The following CNTN5 variants were observed in gnomAD, a reference collection of about 807,000 sequenced individuals.
CNTN5 encodes the protein contactin-5.
In CNTN5, 77 loss-of-function variants were observed where a neutral mutation model predicts 129.1. The ratio of observed to expected loss-of-function variants is 0.60; its 90% CI spans 0.50 to 0.72. The LOEUF is 0.72. Ranked by LOEUF, CNTN5 falls within the 30% of genes least tolerant of loss-of-function variation. CNTN5 has a pLI of 0.00. For missense variants in CNTN5, 1,478 were observed against 1,328.8 expected (o/e 1.11, Z -1.75); for synonymous variants, 509 against 465.6 (o/e 1.09, Z -1.20).
intron 9 of CNTN5, among the ~76,000 whole-genome samples, chr11:100,010,510 C>T (rs901204251): frequency 2.0e-5 from 3 of 151,970 alleles, no homozygotes; most frequent in South Asian, 4.1e-4. Flanking sequence ...CAGGGGCTAT[C>T]GAGCTGACAG....
chr11:99,674,099 C>T (rs917710162), intron 3 of CNTN5, among the ~76,000 whole-genome samples: 2 of 152,146 alleles, frequency 1.3e-5, no homozygotes, highest in African/African-American at 4.8e-5. Context: ...TCCTTTTTCT[C>T]CACAACTTTG....
intron 4 of CNTN5, among the ~76,000 whole-genome samples, chr11:99,826,361 A>G (rs756935705): frequency 1.3e-5 from 2 of 152,204 alleles, no homozygotes; most frequent in African/African-American, 2.4e-5. Context: ...TCAAGAAGCT[A>G]TATCTGCCTT....
chr11:99,073,949 A>G (rs1865453319), intron 1 of CNTN5, among the ~76,000 whole-genome samples: 2 of 152,146 alleles, frequency 1.3e-5, no homozygotes, highest in Non-Finnish European at 2.9e-5. Flanking sequence ...AGGAATCACC[A>G]CACTGTCTTC....
At chr11:100,181,246 C>T (rs1042493411) in intron 13 of CNTN5, among the ~76,000 whole-genome samples, 5 of 151,964 alleles carry the variant, frequency 3.3e-5, no homozygotes, top group Admixed American at 1.3e-4. Context: ...ACTACTGATA[C>T]ATGCAACAAT....
At chr11:99,745,404 T>C (rs1473142945) in intron 3 of CNTN5, among the ~76,000 whole-genome samples, 2 of 152,216 alleles carry the variant, frequency 1.3e-5, no homozygotes, top group African/African-American at 2.4e-5. Flanking sequence ...TATCTACAGA[T>C]ACTCTTACTA....
At chr11:100,047,071 C>A (rs572006214) in intron 9 of CNTN5, among the ~76,000 whole-genome samples, 2 of 152,218 alleles carry the variant, frequency 1.3e-5, no homozygotes, top group African/African-American at 2.4e-5. Context: ...TTCCAGACAT[C>A]TGCATTAGGA....
rs113085557 is a variant in CNTN5, at chr11:99,296,203, G to T, written c.-209-29143G>T. 6.8e-3 allele frequency among the ~76,000 whole-genome samples: 1,034 copies of T among 152,142 alleles called. 8 individuals are homozygous for T. The highest frequency in any genetic ancestry group is 0.024 in the African/African-American group (979 of 41,488). On this transcript the variant is annotated intron_variant, in intron 1 of 24. Transcript: ENST00000524871. ...CATCAAGGATGTCATCTTTTTCTGG[G>T]GAGAAGCTTTCCTGGTTAGTTTTAC...
At chr11:99,720,354 C>T (rs997807481) in intron 3 of CNTN5, among the ~76,000 whole-genome samples, 7 of 152,240 alleles carry the variant, frequency 4.6e-5, no homozygotes, top group South Asian at 2.1e-4. Context: ...GTTGGCTCAA[C>T]ATATTTAAAT....
intron 1 of CNTN5, among the ~76,000 whole-genome samples, chr11:99,281,975 C>G (rs1863718612): frequency 6.6e-6 from 1 of 151,840 alleles, no homozygotes; most frequent in Non-Finnish European, 1.5e-5. Context: ...TTTTATCAAG[C>G]TATAAGTAGT....
intron 9 of CNTN5, among the ~76,000 whole-genome samples, chr11:100,015,698 A>C (rs1940784664): frequency 6.6e-6 from 1 of 152,082 alleles, no homozygotes; most frequent in East Asian, 1.9e-4. Context: ...CAAGACACTT[A>C]ATTTTAAAAA....
chr11:99,245,386 T>C (rs548374977), intron 1 of CNTN5, among the ~76,000 whole-genome samples: 3 of 152,334 alleles, frequency 2.0e-5, no homozygotes, highest in East Asian at 3.9e-4. Flanking sequence ...TGGCACCATC[T>C]TGGCTCACTG....
chr11:99,771,320 C>G (rs1944937766), intron 3 of CNTN5, among the ~76,000 whole-genome samples: 1 of 151,884 alleles, frequency 6.6e-6, no homozygotes, highest in African/African-American at 2.4e-5. Context: ...CCGAAATAAC[C>G]TAAATGCCCA....
rs189563133 is a variant in CNTN5, at chr11:100,204,914, A to G, written c.1884+11251A>G. 3.9e-5 allele frequency among the ~76,000 whole-genome samples: 6 copies of G among 152,120 alleles called. No individual in the cohort carries two copies. In the East Asian group the frequency reaches 1.2e-3, roughly 29 times the overall value. ...ATAATTTAACCTGGAGAATGATGAA[A>G]TGCGTAATATAATAAGGCCCTGAAT... On this transcript the variant is annotated intron_variant, in intron 15 of 24. Coordinates refer to ENST00000524871, the MANE Select transcript of CNTN5 (RefSeq NM_014361.4).
chr11:99,545,491 AAG>A (rs1265695549), intron 2 of CNTN5, among the ~76,000 whole-genome samples: 1 of 152,232 alleles, frequency 6.6e-6, no homozygotes, highest in Non-Finnish European at 1.5e-5. Flanking sequence ...ATTAAATTAA[AAG>A]AGAATTTAAA....
intron 1 of CNTN5, among the ~76,000 whole-genome samples, chr11:99,296,122 A>G (rs1864379174): frequency 3.3e-5 from 5 of 152,162 alleles, no homozygotes; most frequent in Admixed American, 3.3e-4. Flanking sequence ...ATATTCAAAG[A>G]TAAGAGTCTC....
rs1325716819 is a variant in CNTN5 at position 99,496,933 on chromosome 11, T to A, written c.-70-59212T>A. On this transcript the variant is annotated intron_variant, in intron 2 of 24. Transcript: ENST00000524871. ...AGCAAAACATACTGGTTAAATAAAT[T>A]AGGCTTTTAATATCGTCGGCCAGAA... is the stretch of plus-strand genomic sequence containing the variant. Among the ~76,000 whole-genome samples, 3 of 152,190 alleles carry A rather than the reference T, an allele frequency of 2.0e-5. No homozygotes were observed. In the East Asian group the frequency reaches 5.8e-4, roughly 29 times the overall value.
intron 6 of CNTN5, among the ~76,000 whole-genome samples, chr11:99,881,645 A>C (rs770089066): frequency 8.5e-5 from 13 of 152,124 alleles, no homozygotes; most frequent in Non-Finnish European, 1.5e-4. Context: ...TATTTTTAAA[A>C]TAAAATAAAG....
chr11:99,431,145 A>C (rs187660384), intron 2 of CNTN5, among the ~76,000 whole-genome samples: 41 of 152,250 alleles, frequency 2.7e-4, no homozygotes, highest in African/African-American at 9.9e-4. Context: ...AGAAAGACTG[A>C]AACAGCAACA....
intron 3 of CNTN5, among the ~76,000 whole-genome samples, chr11:99,691,834 T>C (rs550503096): frequency 2.6e-5 from 4 of 152,264 alleles, no homozygotes; most frequent in Admixed American, 2.0e-4. Context: ...CTGTCTGATA[T>C]TGGCAGTGGT....
Sources: gnomAD v4.1 joint callset for allele counts (sites outside exome capture counted in the v4.1 genomes callset) on GRCh38, gnomAD v4.1.1 for gene constraint, MANE v1.5 for transcripts, NCBI Gene and HGNC (gene_info 2026-07-23, HGNC 2026-07-21) for gene names.